The following ZRANB2 variants were observed in gnomAD, a reference collection of about 807,000 sequenced individuals.
ZRANB2 encodes zinc finger RANBP2-type containing 2.
A neutral mutation model predicts 53.4 loss-of-function variants in ZRANB2; 19 were observed. That is an observed-to-expected ratio of 0.36 (90% CI 0.25 to 0.52). The LOEUF is 0.52. Among genes scored for constraint, ZRANB2 ranks in the 20% least tolerant of loss-of-function variants. The pLI, the probability that ZRANB2 is intolerant of heterozygous loss-of-function variation, is 0.93. For synonymous variants in ZRANB2, 145 were observed against 134.8 expected, an observed-to-expected ratio of 1.08 and a Z score of -0.52; for missense variants, 309 against 401.1, an observed-to-expected ratio of 0.77 and a Z score of 1.96.
In ZRANB2 at chr1:71,063,464, A is replaced by C. The variant is rs1175718578; in HGVS notation, c.*1610T>G. 1 of 152,450 alleles carries C rather than the reference A, an allele frequency of 6.6e-6. No individual in the cohort carries two copies. Among genetic ancestry groups the C allele is most frequent in the Non-Finnish European group, 1.5e-5 (1 of 67,894 alleles). The allele number at this position is 152,450 out of a possible 1,614,324, so 9.4% of individuals were successfully genotyped here. ...ATTGTCTGTAAACTACTATTAGCTAAATTATAACCTTGCATTTGCTTAGTA... is the reference window on the plus strand; with the variant it reads ...ATTGTCTGTAAACTACTATTAGCTACATTATAACCTTGCATTTGCTTAGTA... On this transcript the variant is annotated 3_prime_UTR_variant, in exon 10 of 10. Coordinates refer to ENST00000370920, the MANE Select transcript of ZRANB2 (RefSeq NM_203350.3).
chr1:71,066,803 CT>C lies in ZRANB2; in HGVS notation c.901del (p.Arg301AspfsTer38). The C allele has an allele frequency of 1.2e-6, 2 of 1,612,150 alleles. No individual in the cohort carries two copies. The highest frequency in any genetic ancestry group is 2.2e-5 in the South Asian group (2 of 90,264). The stretch of plus-strand genomic sequence containing the variant: ...TTCGGGTGACCGTGATCTTGTTCGT[CT>C]TTTTTTGCGATCACCAGATGAAGAA... The part of the protein sequence containing the change: ...RSSSSGDRKK[R>X]RTRSRSPERR... On this transcript the variant is annotated frameshift_variant, in exon 9 of 10. Transcript: ENST00000370920. LOFTEE classifies it high-confidence loss of function.
chr1:71,067,155 G>T, intron 8 of ZRANB2: 1 of 385,104 alleles, frequency 2.6e-6, no homozygotes, highest in Non-Finnish European at 4.5e-6. Context: ...TCTATCATGT[G>T]TAATTAAAAC....
At chr1:71,078,834 T>A in intron 1 of ZRANB2, 126 bp from the exon 2 acceptor site, 1 of 817,938 alleles carries the variant, frequency 1.2e-6, no homozygotes, top group Non-Finnish European at 1.9e-6. Context: ...ATGTCAATGT[T>A]ACCAACAAAA....
chr1:71,076,639 G>A (rs1449542197), intron 4 of ZRANB2, among the ~76,000 whole-genome samples, 156 bp downstream of exon 4: 2 of 151,994 alleles, frequency 1.3e-5, no homozygotes, highest in East Asian at 3.8e-4. Flanking sequence ...ATTTGTATGT[G>A]TGTATGGGGG....
At chr1:71,071,033 T>C in intron 6 of ZRANB2, 37 bp from the exon 7 acceptor site, 3 of 1,483,184 alleles carry the variant, frequency 2.0e-6, no homozygotes, top group Non-Finnish European at 2.7e-6. Flanking sequence ...CATTTAGATA[T>C]TAGTGTTACC....
intron 4 of ZRANB2, among the ~76,000 whole-genome samples, chr1:71,073,620 G>T (rs948055379): frequency 2.0e-5 from 3 of 151,740 alleles, no homozygotes; most frequent in Non-Finnish European, 4.4e-5. Context: ...ATACTTGGAA[G>T]TTAATAAAAA....
At chr1:71,065,644 T>C (rs1661409361) in intron 9 of ZRANB2, 1 of 1,593,962 alleles carries the variant, frequency 6.3e-7, no homozygotes, top group South Asian at 1.1e-5. Context: ...TAGGGTTATA[T>C]TCATGCAGCT....
intron 8 of ZRANB2, chr1:71,067,223 A>G: frequency 4.5e-6 from 1 of 222,970 alleles, no homozygotes; most frequent in Non-Finnish European, 8.7e-6. Context: ...CAAAGTATAC[A>G]CAAATATTAT....
chr1:71,078,152 A>C (rs1007039681), intron 3 of ZRANB2, among the ~76,000 whole-genome samples: 1 of 152,168 alleles, frequency 6.6e-6, no homozygotes, highest in African/African-American at 2.4e-5. Context: ...TTTTTCAATA[A>C]AGGAAGTAAT....
At position 71,068,000 on chromosome 1, in the gene ZRANB2, TAAG is replaced by T. The variant is rs1331209763; in HGVS notation, c.771-1069_771-1067del. ...CCAGTGATCCTTCCACCTCAGCCTA[TAAG>T]AACACACCACCATGCCTGGCTGGTT... is the stretch of plus-strand genomic sequence containing the variant. On this transcript the variant is annotated intron_variant, in intron 8 of 9. Coordinates refer to ENST00000370920, the MANE Select transcript of ZRANB2 (RefSeq NM_203350.3). 2.0e-5 allele frequency among the ~76,000 whole-genome samples: 3 copies of T among 151,894 alleles called. No individual in the cohort carries two copies. In the East Asian group the frequency reaches 5.8e-4, roughly 29 times the overall value.
intron 4 of ZRANB2, among the ~76,000 whole-genome samples, chr1:71,074,319 C>G (rs540587047): frequency 2.6e-5 from 4 of 152,138 alleles, no homozygotes; most frequent in Non-Finnish European, 1.5e-5. Flanking sequence ...AGAAAGCAAC[C>G]AAGAATTTCC....
chr1:71,078,546 C>T lies in ZRANB2; in HGVS notation c.129G>A (p.Lys43=). The part of the protein sequence containing the change: ...RCGREKTTEA[K]MMKAGGTEIG... ...TTTCAGTGCCCCCAGCTTTCATCAT[C>T]TTGGCCTCAGTTGTTTTCTCTGAAA... The change falls in exon 3 of 10, where the codon AAG becomes AAA. Residue 43 remains lysine, a synonymous_variant. Transcript: ENST00000370920. The T allele has an allele frequency of 6.2e-7, 1 of 1,614,046 alleles. No individual in the cohort carries two copies. Among genetic ancestry groups the T allele is most frequent in the Non-Finnish European group, 8.5e-7 (1 of 1,179,968 alleles).
intron 4 of ZRANB2, among the ~76,000 whole-genome samples, chr1:71,074,584 T>C (rs1661665990): frequency 6.6e-6 from 1 of 151,908 alleles, no homozygotes; most frequent in African/African-American, 2.4e-5. Flanking sequence ...GAGAACATAT[T>C]CTAAGGAAAG....
At chr1:71,071,223 T>C (rs960602455) in intron 6 of ZRANB2, among the ~76,000 whole-genome samples, 1 of 152,070 alleles carries the variant, frequency 6.6e-6, no homozygotes, top group African/African-American at 2.4e-5. Context: ...ACACACTTTT[T>C]CTGTCACACT....
intron 4 of ZRANB2, among the ~76,000 whole-genome samples, chr1:71,073,414 A>C (rs1661636108): frequency 6.6e-6 from 1 of 152,054 alleles, no homozygotes; most frequent in Non-Finnish European, 1.5e-5. Context: ...GGTGATTTCC[A>C]GACTTAGGGA....
Position 71,069,339 on chromosome 1 carries a change from C to T in ZRANB2, c.707G>A (p.Ser236Asn). 1 of 1,612,892 alleles carries T rather than the reference C, an allele frequency of 6.2e-7. No individual in the cohort carries two copies. The highest frequency in any genetic ancestry group is 1.1e-5 in the South Asian group (1 of 91,010). The change falls in exon 8 of 10, where the codon AGT becomes AAT. Residue 236 changes from serine to asparagine, a missense_variant. Physicochemically the swap from Ser to Asn is conservative, Grantham distance 46. Around this residue, in one of 3 missense-constraint regions of ZRANB2, gnomAD observed 211 missense variants for 196.1 expected, o/e 1.08. Transcript: ENST00000370920. ...RSRSRSRSSS[S>N]SQSRSRSSSR... ...ACTGGAACGAGATCTTGACTGCGAA[C>T]TGGAAGAACTTCTTGAACGGGACCT...
intron 6 of ZRANB2, among the ~76,000 whole-genome samples, chr1:71,071,625 T>G (rs1661595321): frequency 6.6e-6 from 1 of 152,096 alleles, no homozygotes; most frequent in Non-Finnish European, 1.5e-5. Flanking sequence ...CCCTCTGCTC[T>G]AACTATACTG....
At chr1:71,077,238 A>G (rs1422952738) in intron 3 of ZRANB2, among the ~76,000 whole-genome samples, 2 of 152,182 alleles carry the variant, frequency 1.3e-5, no homozygotes, top group Non-Finnish European at 2.9e-5. Context: ...CACTCAACAG[A>G]AACGCTCACA....
At chr1:71,075,450 A>T (rs1210770443) in intron 4 of ZRANB2, among the ~76,000 whole-genome samples, 1 of 152,168 alleles carries the variant, frequency 6.6e-6, no homozygotes, top group Admixed American at 6.5e-5. Context: ...TGACATTTGC[A>T]TGGCAATGTT....
Sources: gnomAD v4.1 joint callset for allele counts (sites outside exome capture counted in the v4.1 genomes callset) on GRCh38, gnomAD v4.1.1 for gene constraint, gnomAD v4.1.1 regional missense constraint, MANE v1.5 for transcripts, NCBI Gene and HGNC (gene_info 2026-07-23, HGNC 2026-07-21) for gene names.